Variants in CNTN5 observed in about 807,000 individuals in gnomAD.
CNTN5 encodes contactin 5.
A neutral mutation model predicts 129.1 loss-of-function variants in CNTN5; 77 were observed. The ratio of observed to expected loss-of-function variants is 0.60; its 90% CI spans 0.50 to 0.72. The LOEUF (loss-of-function observed/expected upper bound fraction) is 0.72, where lower values mean the gene tolerates loss of function less well. Among genes scored for constraint, CNTN5 ranks in the 30% least tolerant of loss-of-function variants. The pLI, the probability that CNTN5 is intolerant of heterozygous loss-of-function variation, is 0.00. For missense variants in CNTN5, 1,478 were observed against 1,328.8 expected, an observed-to-expected ratio of 1.11 and a Z score of -1.75; for synonymous variants, 509 against 465.6, an observed-to-expected ratio of 1.09 and a Z score of -1.20.
intron 1 of CNTN5, among the ~76,000 whole-genome samples, chr11:99,207,375 T>G (rs1170151585): frequency 6.6e-6 from 1 of 152,138 alleles, no homozygotes; most frequent in Non-Finnish European, 1.5e-5. Context: ...TACCACAGTC[T>G]CAAGTAATCA....
chr11:100,096,275 CAT>C (rs1945005889), intron 13 of CNTN5, among the ~76,000 whole-genome samples: 1 of 152,080 alleles, frequency 6.6e-6, no homozygotes, highest in Non-Finnish European at 1.5e-5. Context: ...TCATTTTCCA[CAT>C]TTTAAGAAGG....
intron 21 of CNTN5, among the ~76,000 whole-genome samples, chr11:100,313,427 A>G (rs1951511776): frequency 1.4e-5 from 2 of 143,504 alleles, no homozygotes; most frequent in African/African-American, 5.2e-5. Flanking sequence ...GCTTGGACAC[A>G]TAGGTAAATT....
intron 3 of CNTN5, among the ~76,000 whole-genome samples, chr11:99,722,901 A>C (rs981523057): frequency 9.2e-5 from 14 of 152,028 alleles, no homozygotes; most frequent in South Asian, 4.1e-4. Flanking sequence ...TCGTGTCATC[A>C]ATCATCCTTG....
rs564344854 is a variant in CNTN5, at chr11:99,872,906, ACT to A, written c.577+27647_577+27648del. Among the ~76,000 whole-genome samples the A allele has an allele frequency of 9.3e-4, 142 of 152,218 alleles. 1 individual carries two copies. Among genetic ancestry groups the A allele is most frequent in the East Asian group, 7.7e-4 (4 of 5,188 alleles). On this transcript the variant is annotated intron_variant, in intron 6 of 24. Coordinates refer to ENST00000524871, the MANE Select transcript of CNTN5 (RefSeq NM_014361.4). ...ATAAATCATCTAAAAAATAAGAATA[ACT>A]CTATATAGCTAACCAACCGTATACT...
intron 13 of CNTN5, among the ~76,000 whole-genome samples, chr11:100,153,956 A>C (rs1287213291): frequency 6.6e-6 from 1 of 152,088 alleles, no homozygotes; most frequent in Non-Finnish European, 1.5e-5. Context: ...CTGCTACTGA[A>C]CTAAGCAATA....
intron 3 of CNTN5, among the ~76,000 whole-genome samples, chr11:99,646,038 C>G (rs1324252195): frequency 6.6e-6 from 1 of 152,192 alleles, no homozygotes; most frequent in African/African-American, 2.4e-5. Context: ...GTTTACTGAA[C>G]AAGTCCAAGT....
chr11:100,191,748 T>C (rs1178593046), intron 14 of CNTN5, among the ~76,000 whole-genome samples: 1 of 151,966 alleles, frequency 6.6e-6, no homozygotes, highest in Non-Finnish European at 1.5e-5. Context: ...CAATGAAATT[T>C]TTATATGCCT....
rs1457512865 is a variant in CNTN5, at chr11:100,204,313, T to C, written c.1884+10650T>C. Among the ~76,000 whole-genome samples the C allele has an allele frequency of 7.9e-5, 7 of 88,908 alleles. 1 individual carries two copies. The South Asian group carries it at 2.8e-3, about 35-fold the overall frequency. The allele number at this position is 88,908 out of a possible 152,430, so 58.3% of individuals were successfully genotyped here. A position where few individuals can be genotyped will look rare whatever the true frequency, so the allele number is the denominator to read the frequency against. On this transcript the variant is annotated intron_variant, in intron 15 of 24. Transcript: ENST00000524871. Reference sequence around the variant, plus strand: ...ACATTGACTAATATATATATATATATATATATATATATATATATATATATA... The same window carrying C: ...ACATTGACTAATATATATATATATACATATATATATATATATATATATATA...
Position 99,904,337 on chromosome 11 carries a change from C to T in CNTN5, c.578-11717C>T, listed in dbSNP as rs549572864. On this transcript the variant is annotated intron_variant, in intron 6 of 24. Transcript: ENST00000524871. ...TCCCAGTGTGTGATGTTCCCCTCCC[C>T]GTGTCCGTGTGTTCTCATTGTTCAA... Among the ~76,000 whole-genome samples the T allele has an allele frequency of 1.2e-4, 18 of 152,044 alleles. No individual in the cohort carries two copies. In the South Asian group the frequency reaches 1.5e-3, roughly 12 times the overall value.
At chr11:99,462,334 T>C (rs1023406422) in intron 2 of CNTN5, among the ~76,000 whole-genome samples, 6 of 144,920 alleles carry the variant, frequency 4.1e-5, no homozygotes, top group African/African-American at 1.5e-4. Context: ...TTTTTCTTTC[T>C]TTTTTTTCTT....
At chr11:100,024,817 T>G (rs1941332902) in intron 9 of CNTN5, among the ~76,000 whole-genome samples, 1 of 152,188 alleles carries the variant, frequency 6.6e-6, no homozygotes, top group Non-Finnish European at 1.5e-5. Flanking sequence ...AAGAGGTGAC[T>G]TGGGTGCTCT....
At chr11:99,254,368 T>C (rs1862270704) in intron 1 of CNTN5, among the ~76,000 whole-genome samples, 1 of 152,008 alleles carries the variant, frequency 6.6e-6, no homozygotes, top group African/African-American at 2.4e-5. Context: ...AAATATTAAG[T>C]ACTGCCGAAA....
chr11:100,249,088 C>T (rs1304003187), intron 16 of CNTN5, among the ~76,000 whole-genome samples: 1 of 151,926 alleles, frequency 6.6e-6, no homozygotes, highest in African/African-American at 2.4e-5. Context: ...TAGATGACTC[C>T]AATTAATTTA....
chr11:99,101,195 G>A (rs1389381958), intron 1 of CNTN5, among the ~76,000 whole-genome samples: 1 of 152,054 alleles, frequency 6.6e-6, no homozygotes, highest in Non-Finnish European at 1.5e-5. Flanking sequence ...GAACAGTATT[G>A]GGGAAACCAC....
intron 1 of CNTN5, among the ~76,000 whole-genome samples, chr11:99,274,158 G>C (rs1863313051): frequency 6.6e-6 from 1 of 151,708 alleles, no homozygotes; most frequent in Admixed American, 6.6e-5. Context: ...CCATTTTGCA[G>C]TGCTATTTCA....
intron 13 of CNTN5, among the ~76,000 whole-genome samples, chr11:100,094,385 C>T (rs1944910574): frequency 6.6e-6 from 1 of 152,158 alleles, no homozygotes; most frequent in African/African-American, 2.4e-5. Flanking sequence ...CTGCCTCTCT[C>T]ACATCAGCTG....
intron 1 of CNTN5, among the ~76,000 whole-genome samples, chr11:99,306,065 T>A (rs1864862625): frequency 6.6e-6 from 1 of 152,192 alleles, no homozygotes; most frequent in Non-Finnish European, 1.5e-5. Context: ...TAAAATTTCA[T>A]ACAATTTCTT....
intron 2 of CNTN5, among the ~76,000 whole-genome samples, chr11:99,332,966 C>CT (rs1426058120): frequency 4.6e-5 from 7 of 152,002 alleles, no homozygotes; most frequent in Admixed American, 1.3e-4. Context: ...AATATCCATA[C>CT]TTTCATGCAT....
chr11:99,646,876 G>C (rs1287757781), intron 3 of CNTN5, among the ~76,000 whole-genome samples: 1 of 149,038 alleles, frequency 6.7e-6, no homozygotes, highest in Non-Finnish European at 1.5e-5. Context: ...CATATTACAA[G>C]TAGATGATTG....
Sources: allele counts gnomAD v4.1 joint callset (sites outside exome capture counted in the v4.1 genomes callset), GRCh38; gene constraint gnomAD v4.1.1; transcripts MANE v1.5; gene names NCBI Gene and HGNC (gene_info 2026-07-23, HGNC 2026-07-21).